Variants in ASPH observed in about 807,000 individuals in gnomAD.
ASPH encodes aspartyl/asparaginyl beta-hydroxylase.
A neutral mutation model predicts 118.4 loss-of-function variants in ASPH; 100 were observed. The observed-to-expected ratio is 0.84, with a 90% CI of 0.72 to 1.00. ASPH has a LOEUF of 1.00. Ranked by LOEUF, ASPH falls within the 50% of genes least tolerant of loss-of-function variation. ASPH has a pLI of 0.00. For missense variants in ASPH, 920 were observed against 919.5 expected, an observed-to-expected ratio of 1.00 and a Z score of -0.01; for synonymous variants, 315 against 325.6, an observed-to-expected ratio of 0.97 and a Z score of 0.35.
Position 61,698,743 on chromosome 8 carries a change from T to G in ASPH, c.104-14555A>C, listed in dbSNP as rs1834536064. Among the ~76,000 whole-genome samples, 4 of 152,270 alleles carry G rather than the reference T, an allele frequency of 2.6e-5. No homozygotes were observed. The South Asian group carries it at 8.3e-4, about 32-fold the overall frequency. The stretch of plus-strand genomic sequence containing the variant: ...GTCAATTATTAGCGAAAGACACTCT[T>G]AAGACTCTGGGAGACCACAAGGGTT... On this transcript the variant is annotated intron_variant, in intron 1 of 24. Transcript: ENST00000379454.
At chr8:61,624,168 T>C (rs1409948971) in intron 13 of ASPH, 2 of 885,888 alleles carry the variant, frequency 2.3e-6, no homozygotes, top group Non-Finnish European at 2.7e-6. Context: ...TCTATATCTG[T>C]ATCGAAATAT....
chr8:61,558,689 G>A (rs546739657), intron 18 of ASPH, among the ~76,000 whole-genome samples: 7 of 152,306 alleles, frequency 4.6e-5, no homozygotes, highest in African/African-American at 1.2e-4. Context: ...TTCTTTGTGC[G>A]TGGGTACCAT....
At position 61,503,393 on chromosome 8, in the gene ASPH, G is replaced by A. The variant is rs1414410038; in HGVS notation, c.2243C>T (p.Thr748Ile). 11 of 1,611,438 alleles carry A rather than the reference G, an allele frequency of 6.8e-6. No homozygotes were observed. Among genetic ancestry groups the A allele is most frequent in the Non-Finnish European group, 8.5e-6 (10 of 1,178,938 alleles). The change falls in exon 25 of 25, where the codon ACA (threonine) becomes ATA (isoleucine). Residue 748 changes from threonine (T) to isoleucine (I), a missense_variant. Coordinates refer to ENST00000379454, the MANE Select transcript of ASPH (RefSeq NM_004318.4). ...FIVDVWHPEL[T>I]PQQRRSLPAI is the part of the protein sequence containing the mutation. ...TGGAAGGCTGCGTCTCTGCTGTGGT[G>A]TCAGTTCCGGATGCCACACATCCAC... is the stretch of plus-strand genomic sequence containing the variant.
intron 1 of ASPH, among the ~76,000 whole-genome samples, chr8:61,703,090 G>A (rs1159332402): frequency 6.6e-6 from 1 of 152,180 alleles, no homozygotes; most frequent in Non-Finnish European, 1.5e-5. Flanking sequence ...GTGGGACTTT[G>A]AGTGAGAAAA....
At chr8:61,599,657 A>G (rs1843411540) in intron 14 of ASPH, among the ~76,000 whole-genome samples, 1 of 152,168 alleles carries the variant, frequency 6.6e-6, no homozygotes, top group South Asian at 2.1e-4. Flanking sequence ...ACACTAACAA[A>G]TTGAAAACCC....
intron 3 of ASPH, among the ~76,000 whole-genome samples, chr8:61,667,558 G>T (rs1197147690): frequency 6.6e-6 from 1 of 152,068 alleles, no homozygotes; most frequent in Admixed American, 6.6e-5. Context: ...GTTGAGACAG[G>T]GTTTCACCAT....
At chr8:61,621,774 C>T (rs556269303) in intron 13 of ASPH, among the ~76,000 whole-genome samples, 7 of 152,300 alleles carry the variant, frequency 4.6e-5, no homozygotes, top group African/African-American at 1.7e-4. Flanking sequence ...ACTCTATATC[C>T]CAGTAATGGG....
intron 5 of ASPH, among the ~76,000 whole-genome samples, chr8:61,650,770 T>C (rs1810580052): frequency 6.6e-6 from 1 of 152,212 alleles, no homozygotes; most frequent in African/African-American, 2.4e-5. Context: ...CCTCCCCTTC[T>C]GTTCCTGATG....
chr8:61,653,687 CTT>C (rs1356143691), intron 3 of ASPH, 27 bp from the exon 4 acceptor site: 5 of 1,606,348 alleles, frequency 3.1e-6, no homozygotes, highest in African/African-American at 2.7e-5. Flanking sequence ...ACAAAGTTAA[CTT>C]GAGTTTTTGT....
chr8:61,549,491 CT>C (rs918371602), intron 20 of ASPH, among the ~76,000 whole-genome samples: 11 of 152,046 alleles, frequency 7.2e-5, no homozygotes, highest in African/African-American at 2.7e-4. Flanking sequence ...ATTTAGTTAT[CT>C]TTTTTATTAA....
intron 1 of ASPH, among the ~76,000 whole-genome samples, chr8:61,700,427 T>C (rs1456953303): frequency 6.6e-6 from 1 of 152,134 alleles, no homozygotes; most frequent in Non-Finnish European, 1.5e-5. Flanking sequence ...AAAGAGTGAC[T>C]GAGATGTTAA....
chr8:61,554,496 C>T (rs988084896), intron 19 of ASPH, among the ~76,000 whole-genome samples: 7 of 152,168 alleles, frequency 4.6e-5, no homozygotes, highest in African/African-American at 1.7e-4. Flanking sequence ...AAGCCTACAG[C>T]TATCTAATTA....
intron 3 of ASPH, chr8:61,663,802 T>G (rs1818138889): frequency 3.1e-6 from 3 of 981,418 alleles, no homozygotes; most frequent in Non-Finnish European, 3.6e-6. Flanking sequence ...TCTATTGAGT[T>G]GAAGTTTCTG....
chr8:61,546,994 T>C (rs1006892813), intron 21 of ASPH, among the ~76,000 whole-genome samples: 1 of 152,214 alleles, frequency 6.6e-6, no homozygotes, highest in Non-Finnish European at 1.5e-5. Flanking sequence ...TTTTCTTATA[T>C]AAACCATGTA....
At chr8:61,700,516 G>A (rs6986031) in intron 1 of ASPH, among the ~76,000 whole-genome samples, 16,507 of 152,152 alleles carry the variant, frequency 0.11, 1,012 homozygotes, top group Non-Finnish European at 0.14. Context: ...CACAACGAAT[G>A]GAGAAAAATG....
intron 3 of ASPH, chr8:61,656,859 C>T (rs745444113): frequency 3.9e-5 from 6 of 152,154 alleles, no homozygotes; most frequent in Non-Finnish European, 7.3e-5. Flanking sequence ...GATTAGCTTA[C>T]TTTATTCACT....
chr8:61,511,226 T>A (rs1808703978), intron 24 of ASPH, among the ~76,000 whole-genome samples: 1 of 152,228 alleles, frequency 6.6e-6, no homozygotes, highest in South Asian at 2.1e-4. Context: ...AGGCCATTAT[T>A]TCTACAGCAA....
intron 14 of ASPH, among the ~76,000 whole-genome samples, chr8:61,593,937 CTTAAG>C (rs575010535): frequency 8.0e-4 from 122 of 152,244 alleles, no homozygotes; most frequent in African/African-American, 2.9e-3. Flanking sequence ...TTCTCTAGCC[CTTAAG>C]TTATTATAGG....
chr8:61,662,674 AAAGAG>A (rs1242398459), intron 3 of ASPH: 2 of 235,520 alleles, frequency 8.5e-6, no homozygotes, highest in Admixed American at 6.5e-5. Context: ...AAAAGAAAGA[AAAGAG>A]AAGGGGAAAA....
Sources: allele counts gnomAD v4.1 joint callset (sites outside exome capture counted in the v4.1 genomes callset), GRCh38; gene constraint gnomAD v4.1.1; transcripts MANE v1.5; gene names NCBI Gene and HGNC (gene_info 2026-07-23, HGNC 2026-07-21).